POLR1B: variants seen among roughly 807,000 people sequenced by gnomAD.
The protein encoded by POLR1B is DNA-directed RNA polymerase I subunit RPA2.
POLR1B carries 30 observed loss-of-function variants against 105.8 expected under a neutral mutation model. The ratio of observed to expected loss-of-function variants is 0.28; its 90% CI spans 0.21 to 0.38. POLR1B has a LOEUF of 0.38. Ranked by LOEUF, POLR1B falls within the 10% of genes least tolerant of loss-of-function variation. POLR1B has a pLI of 1.00. For synonymous variants in POLR1B, 485 were observed against 505.1 expected, an observed-to-expected ratio of 0.96 and a Z score of 0.53; for missense variants, 976 against 1,435.8, an observed-to-expected ratio of 0.68 and a Z score of 5.17.
At chr2:112,556,232 C>T (rs564172887) in intron 7 of POLR1B, among the ~76,000 whole-genome samples, 7 of 151,308 alleles carry the variant, frequency 4.6e-5, no homozygotes, top group Admixed American at 2.6e-4. Flanking sequence ...AAACTTGATT[C>T]TCTAGTTTCA....
rs754181265 is a variant in POLR1B, at chr2:112,549,441, TA to T, written c.625+46del. ...ATTAGAATATTTTTTAAGGAAAATTTAAAACTTTTTTTTTTTTTGAAGTAGA... is the reference window on the plus strand; with the variant it reads ...ATTAGAATATTTTTTAAGGAAAATTTAAACTTTTTTTTTTTTTGAAGTAGA... On this transcript the variant is annotated intron_variant, in intron 4 of 14. Transcript: ENST00000263331. 7 of 1,477,784 alleles carry T rather than the reference TA, an allele frequency of 4.7e-6. No individual in the cohort carries two copies. The East Asian group carries it at 1.5e-4, about 32-fold the overall frequency. The allele number at this position is 1,477,784 out of a possible 1,614,324, so 91.5% of individuals were successfully genotyped here.
rs555084780 is a variant in POLR1B at position 112,579,165 on chromosome 2, G to A, written c.*3436G>A. On this transcript the variant is annotated 3_prime_UTR_variant, in exon 15 of 15. Transcript: ENST00000263331. ...AGAGGTTGCAGTGAGCCAAGATCACGCCACTGCACAGCAACCTGGGCAACA... is the reference window on the plus strand; with the variant it reads ...AGAGGTTGCAGTGAGCCAAGATCACACCACTGCACAGCAACCTGGGCAACA... Among the ~76,000 whole-genome samples, 5 of 117,480 alleles carry A rather than the reference G, an allele frequency of 4.3e-5. No homozygotes were observed. The highest frequency in any genetic ancestry group is 5.9e-4 in the South Asian group (2 of 3,364). The allele number at this position is 117,480 out of a possible 152,430, so 77.1% of individuals were successfully genotyped here.
intron 7 of POLR1B, 103 bp from the exon 8 acceptor site, chr2:112,557,807 A>C: frequency 2.4e-6 from 1 of 413,318 alleles, no homozygotes; most frequent in Non-Finnish European, 3.3e-6. Flanking sequence ...TCTCATGTTG[A>C]ACTCTTGGTC....
chr2:112,552,632 TCTG>T lies in POLR1B; in HGVS notation c.987-12_987-10del, dbSNP rs1574100411. ...GAATTGTTTTAAGCTTTTTTTTTTT[TCTG>T]TTTTCACAGCCAGTGCATCTGTATC... On this transcript the variant is annotated splice_polypyrimidine_tract_variant and intron_variant, in intron 6 of 14. Transcript: ENST00000263331. 2.0e-6 allele frequency: 3 copies of T among 1,511,586 alleles called. No homozygotes were observed. The highest frequency in any genetic ancestry group is 4.6e-5 in the Admixed American group (2 of 43,270). 93.6% of individuals were successfully genotyped at this position (1,511,586 alleles called of 1,614,324 possible).
intron 8 of POLR1B, 62 bp from the exon 9 acceptor site, chr2:112,559,231 C>A: frequency 6.3e-7 from 1 of 1,578,878 alleles, no homozygotes; most frequent in Non-Finnish European, 8.6e-7. Context: ...CGTCATAAAG[C>A]CTCAACAATT....
At position 112,573,702 on chromosome 2, in the gene POLR1B, G is replaced by C. The variant is rs528737104; in HGVS notation, c.2412G>C (p.Leu804=). The C allele has an allele frequency of 4.3e-6, 7 of 1,614,236 alleles. No individual in the cohort carries two copies. In the South Asian group the frequency reaches 7.7e-5, roughly 18 times the overall value. ...TCAAACCTGGTGACCCACGCGTTCT[G>C]CAGAAGTTAGATGACGATGGATTGC... ...FGIKPGDPRV[L]QKLDDDGLPF... is the part of the protein sequence containing the mutation. The change falls in exon 14 of 15, where the codon CTG becomes CTC. Residue 804 remains leucine (L), a synonymous_variant. Transcript: ENST00000263331.
At position 112,575,895 on chromosome 2, in the gene POLR1B, G is replaced by A; in HGVS notation, c.*166G>A. 1.6e-6 allele frequency: 1 copy of A among 641,054 alleles called. No homozygotes were observed. The highest frequency in any genetic ancestry group is 2.2e-5 in the South Asian group (1 of 46,400). The allele number at this position is 641,054 out of a possible 1,614,324, so 39.7% of individuals were successfully genotyped here. On this transcript the variant is annotated 3_prime_UTR_variant, in exon 15 of 15. Transcript: ENST00000263331. This position sits in a 1 kb window ranked among gnomAD's most constrained non-coding sequence, Gnocchi z 5.3. The stretch of plus-strand genomic sequence containing the variant: ...TATGCAAGGTTTCTGAATCTCTCTG[G>A]TAGATTAACTATTGACAATGATTTT...
In POLR1B at chr2:112,572,571, C is replaced by A; in HGVS notation, c.2084C>A (p.Thr695Asn). The change falls in exon 13 of 15, where the codon ACT (threonine) becomes AAT (asparagine). Residue 695 changes from threonine to asparagine, a missense_variant. By Grantham distance (65) the Thr-to-Asn change is moderately conservative. Transcript: ENST00000263331. ...NMYQCQMGKQ[T>N]MGFPLLTYQD... The stretch of plus-strand genomic sequence containing the variant: ...TTTTTTCTCCATGTAGGTAAGCAAA[C>A]TATGGGCTTTCCACTTCTCACTTAT... 1 of 1,579,000 alleles carries A rather than the reference C, an allele frequency of 6.3e-7. No individual in the cohort carries two copies. The highest frequency in any genetic ancestry group is 1.2e-5 in the South Asian group (1 of 85,042).
chr2:112,575,381 A>G lies in POLR1B; in HGVS notation c.3060A>G (p.Arg1020=), dbSNP rs1339702821. Residue 1020 remains arginine, a synonymous_variant, in exon 15 of 15, where the codon AGA becomes AGG. Transcript: ENST00000263331. This position sits in a 1 kb window ranked among gnomAD's most constrained non-coding sequence, Gnocchi z 5.3. Reference sequence around the variant, plus strand: ...TAAGGACAACTGGAGCCCGAGACAGAGTCACCAACCAGCCTATTGGGGGAA... The same window carrying G: ...TAAGGACAACTGGAGCCCGAGACAGGGTCACCAACCAGCCTATTGGGGGAA... ...FQVRTTGARD[R]VTNQPIGGRN... 1.2e-6 allele frequency: 2 copies of G among 1,614,196 alleles called. No homozygotes were observed. Among genetic ancestry groups the G allele is most frequent in the Middle Eastern group, 1.6e-4 (1 of 6,062 alleles).
Position 112,577,001 on chromosome 2 carries a change from C to T in POLR1B, c.*1272C>T, listed in dbSNP as rs1054982000. On this transcript the variant is annotated 3_prime_UTR_variant, in exon 15 of 15. Coordinates refer to ENST00000263331, the MANE Select transcript of POLR1B (RefSeq NM_019014.6). ...ACAGTATTTTATTGTATGGATTTAC[C>T]ATCCCCTGTGTATTTAAGTTGTTCC... 2.0e-5 allele frequency: 3 copies of T among 152,128 alleles called. No individual in the cohort carries two copies. The highest frequency in any genetic ancestry group is 6.5e-5 in the Admixed American group (1 of 15,268). 9.4% of individuals were successfully genotyped at this position (152,128 alleles called of 1,614,324 possible). A position where few individuals can be genotyped will look rare whatever the true frequency, so the allele number is the denominator to read the frequency against.
At chr2:112,568,695 A>G (rs1176075110) in intron 11 of POLR1B, 51 bp from the exon 12 acceptor site, 1 of 1,583,474 alleles carries the variant, frequency 6.3e-7, no homozygotes, top group Non-Finnish European at 8.6e-7. Flanking sequence ...GGTAAGAGTA[A>G]ATGTGTAACC....
chr2:112,574,903 G>C lies in POLR1B; in HGVS notation c.2582G>C (p.Ser861Thr), dbSNP rs549323278. ...NIKVCSNDTG[S>T]GKFKCVCITM... The stretch of plus-strand genomic sequence containing the variant: ...AAAGTGTGCAGTAATGACACTGGGA[G>C]TGGAAAATTCAAGTGTGTTTGCATC... The change falls in exon 15 of 15, where the codon AGT (serine) becomes ACT (threonine). Residue 861 changes from serine to threonine, a missense_variant. By Grantham distance (58) the Ser-to-Thr change is moderately conservative (BLOSUM62 1). Coordinates refer to ENST00000263331, the MANE Select transcript of POLR1B (RefSeq NM_019014.6). 6 of 1,614,120 alleles carry C rather than the reference G, an allele frequency of 3.7e-6. No individual in the cohort carries two copies. The East Asian group carries it at 6.7e-5, about 18-fold the overall frequency.
In POLR1B at chr2:112,547,019, C is replaced by T; in HGVS notation, c.185C>T (p.Pro62Leu). 1.2e-6 allele frequency: 2 copies of T among 1,614,048 alleles called. No individual in the cohort carries two copies. The highest frequency in any genetic ancestry group is 1.1e-5 in the South Asian group (1 of 91,060). ...GTGTGAATTGCATTTCAGGCTATACCTCCCTTTGAATTTGCTTTCAAAGAT... is the reference window on the plus strand; with the variant it reads ...GTGTGAATTGCATTTCAGGCTATACTTCCCTTTGAATTTGCTTTCAAAGAT... Reference protein sequence around the residue: ...EGLGLAVQAIPPFEFAFKDER... With the variant: ...EGLGLAVQAILPFEFAFKDER... The change falls in exon 2 of 15, where the codon CCT (proline) becomes CTT (leucine). Residue 62 changes from proline (P) to leucine (L), a missense_variant. Pro to Leu is a moderately conservative substitution (Grantham distance 98, BLOSUM62 -3). Around this residue, in one of 12 missense-constraint regions of POLR1B, gnomAD observed 452 missense variants for 616.5 expected, o/e 0.73. Coordinates refer to ENST00000263331, the MANE Select transcript of POLR1B (RefSeq NM_019014.6).
In POLR1B at chr2:112,549,406, T is replaced by G; in HGVS notation, c.625+7T>G. On this transcript the variant is annotated splice_region_variant and intron_variant, in intron 4 of 14. Transcript: ENST00000263331. ...CCTGGTTATACTCAGTATGGTAAGTTCTGGAGATTATTAGAATATTTTTTA... is the reference window on the plus strand; with the variant it reads ...CCTGGTTATACTCAGTATGGTAAGTGCTGGAGATTATTAGAATATTTTTTA... 1 of 1,546,254 alleles carries G rather than the reference T, an allele frequency of 6.5e-7. No homozygotes were observed. Among genetic ancestry groups the G allele is most frequent in the Non-Finnish European group, 8.7e-7 (1 of 1,150,936 alleles).
At chr2:112,573,284 G>A (rs1222835202) in intron 13 of POLR1B, among the ~76,000 whole-genome samples, 3 of 152,100 alleles carry the variant, frequency 2.0e-5, no homozygotes, top group Non-Finnish European at 4.4e-5. Context: ...CGTGTTTTTA[G>A]TAGAGATGGG....
chr2:112,546,706 C>T (rs978895947), intron 1 of POLR1B, among the ~76,000 whole-genome samples: 5 of 151,766 alleles, frequency 3.3e-5, no homozygotes, highest in African/African-American at 7.3e-5. Flanking sequence ...GGACTACAGG[C>T]GCCCACCACC....
At chr2:112,551,506 C>T (rs1683363955) in intron 5 of POLR1B, among the ~76,000 whole-genome samples, 1 of 152,160 alleles carries the variant, frequency 6.6e-6, no homozygotes, top group Non-Finnish European at 1.5e-5. Flanking sequence ...TTTTTCACCA[C>T]ATTCTCTTGG....
At chr2:112,562,487 A>G (rs1047177159) in intron 9 of POLR1B, among the ~76,000 whole-genome samples, 2 of 152,190 alleles carry the variant, frequency 1.3e-5, no homozygotes, top group African/African-American at 2.4e-5. Context: ...GCGCTGCAAT[A>G]AAGTGAGCCA....
upstream of POLR1B, chr2:112,542,321 C>T (rs1056932477): frequency 9.8e-6 from 15 of 1,531,720 alleles, no homozygotes; most frequent in Admixed American, 1.8e-4. Context: ...GTTTTTGGTT[C>T]TACGTTGACC....
Sources: gnomAD v4.1 joint callset for allele counts (sites outside exome capture counted in the v4.1 genomes callset) on GRCh38, gnomAD v4.1.1 for gene constraint, gnomAD v4.1.1 regional missense constraint, Gnocchi (gnomAD v3.1) non-coding constraint, MANE v1.5 for transcripts, NCBI Gene and HGNC (gene_info 2026-07-23, HGNC 2026-07-21) for gene names.